SLC2A9: variants seen among roughly 807,000 people sequenced by gnomAD.
SLC2A9 encodes solute carrier family 2 member 9, also known as solute carrier family 2, facilitated glucose transporter member 9.
SLC2A9 carries 39 observed loss-of-function variants against 50.6 expected under a neutral mutation model. That is an observed-to-expected ratio of 0.77 (90% CI 0.60 to 1.01). SLC2A9 has a LOEUF of 1.01. Ranked by LOEUF, SLC2A9 falls within the 50% of genes least tolerant of loss-of-function variation. The probability of loss-of-function intolerance (pLI) is 0.00; values close to 1 mark genes in which losing one functional copy is unlikely to be tolerated. For missense variants in SLC2A9, 686 were observed against 677.6 expected, an observed-to-expected ratio of 1.01 and a Z score of -0.14; for synonymous variants, 324 against 276.9, an observed-to-expected ratio of 1.17 and a Z score of -1.69.
At chr4:9,796,147 C>T (rs182272137), downstream of SLC2A9, among the ~76,000 whole-genome samples, 11 of 152,290 alleles carry the variant, frequency 7.2e-5, no homozygotes, top group Admixed American at 2.6e-4. Context: ...ATGTGGCTCA[C>T]GCTCCCATAG....
intron 8 of SLC2A9, among the ~76,000 whole-genome samples, chr4:9,902,209 A>ATCCTTCACC (rs1447636998): frequency 6.6e-6 from 1 of 152,156 alleles, no homozygotes; most frequent in African/African-American, 2.4e-5. Context: ...TTCTCATAAC[A>ATCCTTCACC]TCCTTCACCT....
intron 5 of SLC2A9, among the ~76,000 whole-genome samples, chr4:9,978,235 T>G (rs1383512680): frequency 6.6e-6 from 1 of 152,216 alleles, no homozygotes; most frequent in East Asian, 1.9e-4. Flanking sequence ...AGACGTGGGC[T>G]GTACCTGATG....
chr4:10,025,136 C>A (rs1410383351), upstream of SLC2A9, among the ~76,000 whole-genome samples: 1 of 150,156 alleles, frequency 6.7e-6, no homozygotes, highest in African/African-American at 2.5e-5. Context: ...TGATCTCTGT[C>A]CTACCAAATA....
intron 7 of SLC2A9, among the ~76,000 whole-genome samples, chr4:9,913,554 T>TC (rs1329762235): frequency 6.6e-6 from 1 of 152,164 alleles, no homozygotes; most frequent in Non-Finnish European, 1.5e-5. Flanking sequence ...TCCAGGGACC[T>TC]CCTTTCCCTT....
chr4:10,005,313 G>T (rs1479768083), intron 2 of SLC2A9, among the ~76,000 whole-genome samples: 1 of 152,184 alleles, frequency 6.6e-6, no homozygotes, highest in Non-Finnish European at 1.5e-5. Context: ...GAGACCACAG[G>T]TTGCCACACA....
rs1577226618 is a variant in SLC2A9, at chr4:9,772,896, A to G, written n.182-1527T>C. 1.3e-5 allele frequency among the ~76,000 whole-genome samples: 2 copies of G among 151,822 alleles called. 1 individual carries two copies. The highest frequency in any genetic ancestry group is 3.9e-4 in the East Asian group (2 of 5,174). ...GTGCAGGTTAGTTACATATGTATAC[A>G]TGTGCCATGCTGGTGCGCTGCACCC... On this transcript the variant is annotated intron_variant and non_coding_transcript_variant, in intron 1 of 1. Coordinates refer to the SLC2A9 transcript ENST00000508585.
intron 2 of SLC2A9, among the ~76,000 whole-genome samples, chr4:10,008,004 G>A (rs1245724202): frequency 2.0e-5 from 3 of 152,156 alleles, no homozygotes; most frequent in Non-Finnish European, 4.4e-5. Flanking sequence ...GGTGCTTCTA[G>A]TTTCACTTGT....
chr4:9,782,718 C>T, intron 3 of SLC2A9: 4 of 1,614,028 alleles, frequency 2.5e-6, no homozygotes, highest in Non-Finnish European at 3.4e-6. Context: ...ATCTCTTCCT[C>T]GCTCATCAGC....
chr4:10,027,231 G>A (rs1416953859), intron 1 of SLC2A9, among the ~76,000 whole-genome samples: 2 of 152,136 alleles, frequency 1.3e-5, no homozygotes, highest in Admixed American at 1.3e-4. Flanking sequence ...TGGGAGTGAT[G>A]GAAATGTTTT....
chr4:9,886,674 G>T lies in SLC2A9; in HGVS notation c.1291+893C>A, dbSNP rs570040945. Among the ~76,000 whole-genome samples, 4 of 152,246 alleles carry T rather than the reference G, an allele frequency of 2.6e-5. No individual in the cohort carries two copies. In the East Asian group the frequency reaches 7.7e-4, roughly 29 times the overall value. On this transcript the variant is annotated intron_variant, in intron 10 of 11. Transcript: ENST00000264784. ...ACAGAAGTTCAGTTCCCTTTGTTCT[G>T]ATAGAAACTTACTGTTTGCATCCAC...
chr4:9,929,067 G>A (rs1389053008), intron 6 of SLC2A9, among the ~76,000 whole-genome samples: 3 of 152,194 alleles, frequency 2.0e-5, no homozygotes, highest in Non-Finnish European at 2.9e-5. Context: ...GAGCTACATC[G>A]TTTAATGAGG....
intron 10 of SLC2A9, among the ~76,000 whole-genome samples, chr4:9,884,601 T>C (rs1260146295): frequency 6.6e-6 from 1 of 152,102 alleles, no homozygotes; most frequent in Non-Finnish European, 1.5e-5. Context: ...AACCCTTCAG[T>C]TTTGACTTTA....
chr4:9,992,327 T>G lies in SLC2A9; in HGVS notation c.410+4454A>C, dbSNP rs372494279. Among the ~76,000 whole-genome samples the G allele has an allele frequency of 7.2e-5, 11 of 152,254 alleles. No individual in the cohort carries two copies. In the East Asian group the frequency reaches 7.7e-4, roughly 11 times the overall value. On this transcript the variant is annotated intron_variant, in intron 3 of 11. Coordinates refer to ENST00000264784, the MANE Select transcript of SLC2A9 (RefSeq NM_020041.3). ...GTGTTAGAATGTTATTTGCCAGGAT[T>G]TTCTAACCTTGGCACTATTCACATT...
downstream of SLC2A9, among the ~76,000 whole-genome samples, chr4:9,795,435 C>G (rs769782549): frequency 2.0e-5 from 3 of 152,186 alleles, no homozygotes; most frequent in Non-Finnish European, 4.4e-5. Flanking sequence ...TTCTTGAAAG[C>G]CATCCCAGGG....
intron 8 of SLC2A9, among the ~76,000 whole-genome samples, chr4:9,902,855 G>T (rs1219285725): frequency 6.6e-6 from 1 of 152,184 alleles, no homozygotes; most frequent in African/African-American, 2.4e-5. Flanking sequence ...AGGTACTAGG[G>T]ACTTCAACAC....
chr4:9,925,046 G>A lies in SLC2A9; in HGVS notation c.815-4474C>T, dbSNP rs138883267. On this transcript the variant is annotated intron_variant, in intron 6 of 11. Transcript: ENST00000264784. ...AGTCCAAATTCTCATCTGCCATGCA[G>A]AGCCTCCTCCCACGGTCCCTGTGGC... 3.0e-4 allele frequency among the ~76,000 whole-genome samples: 46 copies of A among 152,316 alleles called. 2 individuals are homozygous for A. In the East Asian group the frequency reaches 8.9e-3, roughly 29 times the overall value.
At chr4:9,803,752 C>G (rs1283824866) in intron 3 of SLC2A9, among the ~76,000 whole-genome samples, 2 of 152,200 alleles carry the variant, frequency 1.3e-5, no homozygotes, top group Non-Finnish European at 2.9e-5. Flanking sequence ...TCTTCATTGT[C>G]CTTTAATTAT....
chr4:9,920,321 T>C (rs891124345), intron 7 of SLC2A9, 64 bp downstream of exon 7: 60 of 1,587,504 alleles, frequency 3.8e-5, no homozygotes, highest in Non-Finnish European at 5.1e-5. Flanking sequence ...GCCCAAGCCC[T>C]GAACCTCCCC....
intron 6 of SLC2A9, among the ~76,000 whole-genome samples, chr4:9,931,984 A>ATC (rs2110181275): frequency 1.3e-5 from 1 of 76,650 alleles, no homozygotes; most frequent in Non-Finnish European, 2.4e-5. Context: ...ATATATATAT[A>ATC]TATATATATA....
Sources: allele counts gnomAD v4.1 joint callset (sites outside exome capture counted in the v4.1 genomes callset), GRCh38; gene constraint gnomAD v4.1.1; transcripts MANE v1.5; gene names NCBI Gene and HGNC (gene_info 2026-07-23, HGNC 2026-07-21).